Variants in LINGO2 observed in about 807,000 individuals in gnomAD.
The protein encoded by LINGO2 is leucine-rich repeat and immunoglobulin-like domain-containing nogo receptor-interacting protein 2.
A neutral mutation model predicts 30.6 loss-of-function variants in LINGO2; 14 were observed. That is an observed-to-expected ratio of 0.46 (90% CI 0.30 to 0.72). The LOEUF (loss-of-function observed/expected upper bound fraction) is 0.72. LINGO2 is among the 30% of genes least tolerant of loss of function. The pLI, the probability that LINGO2 is intolerant of heterozygous loss-of-function variation, is 0.07. For missense variants in LINGO2, 729 were observed against 751.7 expected, an observed-to-expected ratio of 0.97 and a Z score of 0.35; for synonymous variants, 317 against 288.5, an observed-to-expected ratio of 1.10 and a Z score of -1.00.
At chr9:29,079,186 G>A in the LINGO2 span, among the ~76,000 whole-genome samples, 3 of 151,808 alleles carry the variant, frequency 2.0e-5, no homozygotes, top group Non-Finnish European at 4.4e-5. Context: ...TGGATGAGCT[G>A]GAAGACAAGC....
intron 2 of LINGO2, among the ~76,000 whole-genome samples, chr9:28,449,027 A>G (rs1343271107): frequency 8.6e-6 from 1 of 116,824 alleles, no homozygotes; most frequent in Admixed American, 9.4e-5. Flanking sequence ...CTATGTATTC[A>G]CATTCGTGTG....
chr9:29,102,171 T>A, the LINGO2 span, among the ~76,000 whole-genome samples: 5 of 151,830 alleles, frequency 3.3e-5, no homozygotes, highest in Non-Finnish European at 2.9e-5. Context: ...AAGCTCCGCC[T>A]CCGGGGTTCA....
chr9:29,134,471 T>C, the LINGO2 span, among the ~76,000 whole-genome samples: 27 of 152,132 alleles, frequency 1.8e-4, no homozygotes, highest in Admixed American at 1.8e-3. Context: ...TATATTTTGT[T>C]GGTTGTATTT....
At chr9:29,065,172 T>G in the LINGO2 span, among the ~76,000 whole-genome samples, 1 of 152,102 alleles carries the variant, frequency 6.6e-6, no homozygotes, top group Non-Finnish European at 1.5e-5. Flanking sequence ...AATGGCCAAG[T>G]ACAATTAACA....
rs140649831 is a variant in LINGO2 at position 28,054,319 on chromosome 9, T to C, written c.-86-41914A>G. 2.9e-3 allele frequency among the ~76,000 whole-genome samples: 446 copies of C among 152,238 alleles called. 2 individuals carry two copies. Among genetic ancestry groups the C allele is most frequent in the African/African-American group, 0.01 (424 of 41,574 alleles). ...ACAGCTGCATCTTAGATTTTTCTTT[T>C]GACTCTTGGATGGTTTGGCTATTTT... On this transcript the variant is annotated intron_variant, in intron 4 of 5. Transcript: ENST00000379992.
chr9:28,440,300 T>G (rs1824140432), intron 2 of LINGO2, among the ~76,000 whole-genome samples: 1 of 152,112 alleles, frequency 6.6e-6, no homozygotes, highest in East Asian at 1.9e-4. Context: ...ATTTCATAAG[T>G]CAAATGTATA....
the LINGO2 span, among the ~76,000 whole-genome samples, chr9:29,028,051 A>C: frequency 6.6e-6 from 1 of 152,160 alleles, no homozygotes; most frequent in Non-Finnish European, 1.5e-5. Flanking sequence ...TACAGAAAGT[A>C]TGACCTGTAT....
At chr9:27,979,284 C>A (rs1820744467) in intron 5 of LINGO2, among the ~76,000 whole-genome samples, 1 of 151,944 alleles carries the variant, frequency 6.6e-6, no homozygotes, top group African/African-American at 2.4e-5. Flanking sequence ...TCCTTACTTC[C>A]ATCTTACTGG....
intron 1 of LINGO2, among the ~76,000 whole-genome samples, chr9:28,541,777 C>A (rs563500420): frequency 6.6e-6 from 1 of 152,202 alleles, no homozygotes; most frequent in East Asian, 1.9e-4. Context: ...AAAAATAGAA[C>A]CCACCTATTA....
At chr9:29,081,804 A>G in the LINGO2 span, among the ~76,000 whole-genome samples, 1 of 152,008 alleles carries the variant, frequency 6.6e-6, no homozygotes, top group Non-Finnish European at 1.5e-5. Flanking sequence ...AGAGAGCCAA[A>G]TCATGAGTGA....
the LINGO2 span, among the ~76,000 whole-genome samples, chr9:28,704,037 T>C: frequency 6.1e-4 from 93 of 152,172 alleles, no homozygotes; most frequent in South Asian, 1.9e-3. Context: ...GGTTTTCCTT[T>C]TTTAAACGTA....
At chr9:29,172,011 T>G in the LINGO2 span, among the ~76,000 whole-genome samples, 1 of 151,960 alleles carries the variant, frequency 6.6e-6, no homozygotes. Flanking sequence ...AAAATACTAC[T>G]GATTTCTTTA....
At chr9:29,122,128 G>T in the LINGO2 span, among the ~76,000 whole-genome samples, 2 of 151,566 alleles carry the variant, frequency 1.3e-5, no homozygotes, top group South Asian at 4.2e-4. Flanking sequence ...TCCATGAAAA[G>T]AATAATTTAA....
the LINGO2 span, among the ~76,000 whole-genome samples, chr9:28,732,352 C>T: frequency 6.7e-6 from 1 of 149,392 alleles, no homozygotes; most frequent in Non-Finnish European, 1.5e-5. Context: ...TCACATTATT[C>T]CAAAAAAAAA....
intron 5 of LINGO2, among the ~76,000 whole-genome samples, chr9:27,957,447 C>T (rs140361255): frequency 0.013 from 1,911 of 152,230 alleles, 44 homozygotes; most frequent in African/African-American, 0.044. Context: ...GCATGTGTCA[C>T]CAGGCCCAGC....
the LINGO2 span, among the ~76,000 whole-genome samples, chr9:29,034,016 A>T: frequency 4.6e-5 from 7 of 152,008 alleles, no homozygotes; most frequent in Non-Finnish European, 1.5e-5. Flanking sequence ...CAGGTGGTGG[A>T]GGTTGCAGTG....
At chr9:28,748,509 G>A in the LINGO2 span, among the ~76,000 whole-genome samples, 1 of 151,908 alleles carries the variant, frequency 6.6e-6, no homozygotes, top group Non-Finnish European at 1.5e-5. Context: ...CTAAAACACT[G>A]TTTTTGTTAT....
chr9:28,587,030 G>C (rs115944005), intron 1 of LINGO2, among the ~76,000 whole-genome samples: 4 of 151,990 alleles, frequency 2.6e-5, no homozygotes, highest in Non-Finnish European at 5.9e-5. Flanking sequence ...GATGGGATTC[G>C]TAAGGCTTCA....
intron 3 of LINGO2, among the ~76,000 whole-genome samples, chr9:28,345,709 C>G (rs75033793): frequency 0.033 from 5,038 of 152,262 alleles, 287 homozygotes; most frequent in African/African-American, 0.12. Context: ...CCAAAGCAAA[C>G]TCTTCTTGAC....
Sources: gnomAD v4.1 joint callset for allele counts (sites outside exome capture counted in the v4.1 genomes callset) on GRCh38, gnomAD v4.1.1 for gene constraint, MANE v1.5 for transcripts, NCBI Gene and HGNC (gene_info 2026-07-23, HGNC 2026-07-21) for gene names.